Variants in HAPLN1 observed in about 807,000 individuals in gnomAD.
HAPLN1 encodes hyaluronan and proteoglycan link protein 1, also known as Cartilage link protein.
A neutral mutation model predicts 36.5 loss-of-function variants in HAPLN1; 13 were observed. That is an observed-to-expected ratio of 0.36 (90% CI 0.23 to 0.57). HAPLN1 has a LOEUF of 0.57. HAPLN1 is among the 20% of genes least tolerant of loss of function. HAPLN1 has a pLI of 0.83. For synonymous variants in HAPLN1, 202 were observed against 169.8 expected, an observed-to-expected ratio of 1.19 and a Z score of -1.48; for missense variants, 407 against 439.7, an observed-to-expected ratio of 0.93 and a Z score of 0.66.
At chr5:83,655,634 G>T (rs1750187948) in intron 2 of HAPLN1, among the ~76,000 whole-genome samples, 1 of 151,906 alleles carries the variant, frequency 6.6e-6, no homozygotes, top group Non-Finnish European at 1.5e-5. Flanking sequence ...GGCCATTAAG[G>T]TTCCTTAGGC....
intron 2 of HAPLN1, among the ~76,000 whole-genome samples, chr5:83,661,535 C>T (rs894727660): frequency 2.0e-5 from 3 of 149,190 alleles, no homozygotes; most frequent in African/African-American, 7.5e-5. Context: ...AGCTCTGCCT[C>T]CCGGGTTCAC....
chr5:83,658,806 C>A (rs1750296706), intron 2 of HAPLN1, among the ~76,000 whole-genome samples: 1 of 152,146 alleles, frequency 6.6e-6, no homozygotes, highest in Non-Finnish European at 1.5e-5. Flanking sequence ...TCGCGTCCAG[C>A]CTTTACTGTT....
intron 1 of HAPLN1, among the ~76,000 whole-genome samples, chr5:83,698,398 A>T (rs1297559636): frequency 6.6e-6 from 1 of 152,168 alleles, no homozygotes; most frequent in Non-Finnish European, 1.5e-5. Context: ...ATCGATTTTT[A>T]AAAACTCTTT....
intron 1 of HAPLN1, 28 bp downstream of exon 1, chr5:83,720,761 A>G (rs1751999840): frequency 6.6e-6 from 1 of 152,242 alleles, no homozygotes; most frequent in Non-Finnish European, 1.5e-5. Flanking sequence ...TATAACCAAA[A>G]GAGGGGGAAA....
At chr5:83,647,483 G>A (rs1749908521) in intron 3 of HAPLN1, among the ~76,000 whole-genome samples, 1 of 152,166 alleles carries the variant, frequency 6.6e-6, no homozygotes. Context: ...CTTACAAGCA[G>A]GGCCATTTTT....
chr5:83,714,506 C>CT (rs929011690), intron 1 of HAPLN1, among the ~76,000 whole-genome samples: 6 of 151,936 alleles, frequency 3.9e-5, no homozygotes, highest in Non-Finnish European at 7.4e-5. Context: ...TCACTGTTTT[C>CT]TTTTTTTTCA....
intron 1 of HAPLN1, among the ~76,000 whole-genome samples, chr5:83,679,316 A>G (rs1442941882): frequency 6.6e-6 from 1 of 152,192 alleles, no homozygotes; most frequent in East Asian, 1.9e-4. Flanking sequence ...TACCATGCGT[A>G]TAAAACATGG....
intron 1 of HAPLN1, among the ~76,000 whole-genome samples, chr5:83,705,387 CAAAAAAAAAA>C (rs762927081): frequency 4.7e-5 from 4 of 85,424 alleles, no homozygotes; most frequent in Admixed American, 3.0e-4. Context: ...TGAAACGTCA[CAAAAAAAAAA>C]AAAAAAAAAA....
intron 1 of HAPLN1, among the ~76,000 whole-genome samples, chr5:83,678,637 A>G (rs1373314168): frequency 6.6e-6 from 1 of 152,142 alleles, no homozygotes; most frequent in East Asian, 1.9e-4. Context: ...TGAAGCCAAT[A>G]CGACTGCCCT....
rs377694525 is a variant in HAPLN1, at chr5:83,639,488, G to A, written c.*2008C>T. The A allele has an allele frequency of 2.0e-5, 3 of 152,022 alleles. No individual in the cohort carries two copies. Among genetic ancestry groups the A allele is most frequent in the African/African-American group, 7.2e-5 (3 of 41,436 alleles). 9.4% of individuals were successfully genotyped at this position (152,022 alleles called of 1,614,324 possible). On this transcript the variant is annotated 3_prime_UTR_variant, in exon 5 of 5. Coordinates refer to ENST00000274341, the MANE Select transcript of HAPLN1 (RefSeq NM_001884.4). ...CTTCAATAGAAATTTGTTCCCACTT[G>A]TATTTTCAACAAAATTATCGGAACA...
At chr5:83,692,007 T>C (rs1035396517) in intron 1 of HAPLN1, among the ~76,000 whole-genome samples, 3 of 151,800 alleles carry the variant, frequency 2.0e-5, no homozygotes, top group African/African-American at 7.2e-5. Context: ...AAAAATTGAA[T>C]GGGATTAATG....
At position 83,709,295 on chromosome 5, in the gene HAPLN1, A is replaced by T. The variant is rs189294242; in HGVS notation, c.-27+11494T>A. Among the ~76,000 whole-genome samples the T allele has an allele frequency of 2.7e-3, 406 of 152,340 alleles. 1 individual carries two copies. Among genetic ancestry groups the T allele is most frequent in the Non-Finnish European group, 4.7e-3 (320 of 68,044 alleles). The stretch of plus-strand genomic sequence containing the variant: ...GGCAAATGTTCTTTTTACACAGTAA[A>T]TAAAAGGCAAAATGCTCTCCTAAAA... On this transcript the variant is annotated intron_variant, in intron 1 of 4. Coordinates refer to ENST00000274341, the MANE Select transcript of HAPLN1 (RefSeq NM_001884.4).
At chr5:83,644,722 C>A in intron 3 of HAPLN1, 57 bp from the exon 4 acceptor site, 1 of 1,303,412 alleles carries the variant, frequency 7.7e-7, no homozygotes, top group African/African-American at 1.5e-5. Flanking sequence ...CAACTCTGAG[C>A]AAATGCCACC....
intron 1 of HAPLN1, among the ~76,000 whole-genome samples, chr5:83,695,356 C>T (rs183510654): frequency 9.2e-5 from 14 of 151,932 alleles, no homozygotes; most frequent in African/African-American, 3.1e-4. Flanking sequence ...GAACTCCTGA[C>T]CTCAGGAGAT....
chr5:83,656,765 T>C (rs1227580131), intron 2 of HAPLN1, among the ~76,000 whole-genome samples: 1 of 152,160 alleles, frequency 6.6e-6, no homozygotes, highest in East Asian at 1.9e-4. Context: ...TAATGGGGAC[T>C]CACTGAACCG....
chr5:83,689,283 A>G (rs1751213455), intron 1 of HAPLN1, among the ~76,000 whole-genome samples: 1 of 152,116 alleles, frequency 6.6e-6, no homozygotes, highest in Non-Finnish European at 1.5e-5. Context: ...CTAAATAATG[A>G]CTGTTCTCCT....
chr5:83,669,035 T>A (rs1468959559), intron 2 of HAPLN1, among the ~76,000 whole-genome samples: 1 of 152,248 alleles, frequency 6.6e-6, no homozygotes, highest in Non-Finnish European at 1.5e-5. Context: ...TACTTTTACT[T>A]ATTAAATAGA....
rs1186287380 is a variant in HAPLN1, at chr5:83,652,549, T to A, written c.376A>T (p.Ile126Phe). The change falls in exon 3 of 5, where the codon ATC (isoleucine) becomes TTC (phenylalanine). Residue 126 changes from isoleucine (I) to phenylalanine (F), a missense_variant. By Grantham distance (21) the Ile-to-Phe change is conservative (BLOSUM62 0). Coordinates refer to ENST00000274341, the MANE Select transcript of HAPLN1 (RefSeq NM_001884.4). ...GGSDSDASLV[I>F]TDLTLEDYGR... ...TAATCTTCCAGAGTGAGGTCTGTGA[T>A]GACCAGAGAAGCATCACTATCACTG... 1.9e-6 allele frequency: 3 copies of A among 1,614,090 alleles called. No homozygotes were observed. Among genetic ancestry groups the A allele is most frequent in the Non-Finnish European group, 2.5e-6 (3 of 1,180,028 alleles).
chr5:83,717,852 T>TA (rs1751949306), intron 1 of HAPLN1, among the ~76,000 whole-genome samples: 1 of 152,190 alleles, frequency 6.6e-6, no homozygotes, highest in Non-Finnish European at 1.5e-5. Context: ...CAATATTTTA[T>TA]AAAATAGACC....
Sources: gnomAD v4.1 joint callset for allele counts (sites outside exome capture counted in the v4.1 genomes callset) on GRCh38, gnomAD v4.1.1 for gene constraint, MANE v1.5 for transcripts, NCBI Gene and HGNC (gene_info 2026-07-23, HGNC 2026-07-21) for gene names.